Variants in WIPF3 observed in about 807,000 individuals in gnomAD.
WIPF3 encodes WAS/WASL-interacting protein family member 3.
Under a neutral mutation model 38.9 loss-of-function variants are expected in WIPF3, and 33 were observed. The observed-to-expected ratio is 0.85, with a 90% CI of 0.64 to 1.14. The LOEUF (loss-of-function observed/expected upper bound fraction) is 1.14, where lower values mean the gene tolerates loss of function less well. Among genes scored for constraint, WIPF3 ranks in the 50% most tolerant of loss-of-function variants. The pLI is 0.00. For missense variants in WIPF3, 711 were observed against 652.5 expected (o/e 1.09, Z -0.98); for synonymous variants, 324 against 269.3 (o/e 1.20, Z -1.99).
At chr7:29,837,750 A>G (rs2128066043) in intron 2 of WIPF3, among the ~76,000 whole-genome samples, 1 of 152,324 alleles carries the variant, frequency 6.6e-6, no homozygotes, top group Non-Finnish European at 1.5e-5. Flanking sequence ...GCTCTTACAG[A>G]TTACTATGGA....
chr7:29,854,375 C>T (rs1241309802), intron 2 of WIPF3, among the ~76,000 whole-genome samples: 1 of 152,182 alleles, frequency 6.6e-6, no homozygotes, highest in Admixed American at 6.5e-5. Context: ...AAATTGAAAG[C>T]TAAAATATGG....
chr7:29,902,265 C>CTTTTTTTTTTTTTTTTTTTTTTTT (rs141174377), intron 7 of WIPF3, among the ~76,000 whole-genome samples: 2 of 116,450 alleles, frequency 1.7e-5, no homozygotes, highest in Non-Finnish European at 3.6e-5. Context: ...TTTTCTTCTT[C>CTTTTTTTTTTTTTTTTTTTTTTTT]TTCTTCTTCT....
chr7:29,834,187 G>A (rs550784360), intron 1 of WIPF3, among the ~76,000 whole-genome samples: 135 of 152,286 alleles, frequency 8.9e-4, no homozygotes, highest in Middle Eastern at 3.4e-3. Flanking sequence ...AGCCTTGCTC[G>A]AGGCTGGCAT....
In WIPF3 at chr7:29,889,296, T is replaced by C; in HGVS notation, c.1250-10T>C. On this transcript the variant is annotated splice_polypyrimidine_tract_variant and intron_variant, in intron 6 of 8. Coordinates refer to ENST00000242140, the MANE Select transcript of WIPF3 (RefSeq NM_001080529.3). ...ACCTGAGTAACTCTTTCCATTTCGCTTGTGTGCAGATGACTTCGAGTCTAA... is the reference window on the plus strand; with the variant it reads ...ACCTGAGTAACTCTTTCCATTTCGCCTGTGTGCAGATGACTTCGAGTCTAA... The C allele has an allele frequency of 6.2e-7, 1 of 1,610,884 alleles. No homozygotes were observed. The highest frequency in any genetic ancestry group is 8.5e-7 in the Non-Finnish European group (1 of 1,177,236).
intron 2 of WIPF3, among the ~76,000 whole-genome samples, chr7:29,864,712 C>T (rs767682461): frequency 5.3e-5 from 8 of 152,162 alleles, no homozygotes; most frequent in Admixed American, 4.6e-4. Flanking sequence ...ACAATTTTCT[C>T]TTTTTCCCAC....
Position 29,844,487 on chromosome 7 carries a change from T to C in WIPF3, c.90+9673T>C, listed in dbSNP as rs1562775802. Among the ~76,000 whole-genome samples, 1 of 152,212 alleles carries C rather than the reference T, an allele frequency of 6.6e-6. No homozygotes were observed. The highest frequency in any genetic ancestry group is 1.5e-5 in the Non-Finnish European group (1 of 68,034). On this transcript the variant is annotated intron_variant, in intron 2 of 8. Coordinates refer to ENST00000242140, the MANE Select transcript of WIPF3 (RefSeq NM_001080529.3). This position sits in a 1 kb window ranked among gnomAD's most constrained non-coding sequence, Gnocchi z 4.8. ...AATGAGGTAGGGACCGGTAGTGCCA[T>C]TTTAAGGATGAGAGAACTGAGGCAC...
chr7:29,827,076 G>A (rs1265506647), intron 1 of WIPF3, among the ~76,000 whole-genome samples: 3 of 152,190 alleles, frequency 2.0e-5, no homozygotes, highest in South Asian at 2.1e-4. Context: ...AGTAAGGGCT[G>A]TGTCAGGGCT....
rs554527385 is a variant in WIPF3 at position 29,867,531 on chromosome 7, A to G, written c.91-8299A>G. Among the ~76,000 whole-genome samples the G allele has an allele frequency of 1.9e-3, 271 of 142,072 alleles. 1 individual carries two copies. Among genetic ancestry groups the G allele is most frequent in the African/African-American group, 6.9e-3 (260 of 37,750 alleles). The allele number at this position is 142,072 out of a possible 152,430, so 93.2% of individuals were successfully genotyped here. A position where few individuals can be genotyped will look rare whatever the true frequency, so the allele number is the denominator to read the frequency against. On this transcript the variant is annotated intron_variant, in intron 2 of 8. Transcript: ENST00000242140. ...AGTTATTCCTGGTGCCATGCCCTTGACTCCTGGCTCTGCCCCCGCCCCCTC... is the reference window on the plus strand; with the variant it reads ...AGTTATTCCTGGTGCCATGCCCTTGGCTCCTGGCTCTGCCCCCGCCCCCTC...
At chr7:29,851,240 AC>A (rs1000825720) in intron 2 of WIPF3, among the ~76,000 whole-genome samples, 1 of 150,890 alleles carries the variant, frequency 6.6e-6, no homozygotes, top group African/African-American at 2.4e-5. Context: ...CGGAGATTGA[AC>A]CCCCCTTTCC....
chr7:29,835,273 A>C (rs933126416), intron 2 of WIPF3, among the ~76,000 whole-genome samples: 1 of 151,818 alleles, frequency 6.6e-6, no homozygotes, highest in Non-Finnish European at 1.5e-5. Flanking sequence ...AAATCCTTAC[A>C]TGAAGTTTCC....
intron 1 of WIPF3, among the ~76,000 whole-genome samples, chr7:29,814,232 C>T (rs1287430482): frequency 1.3e-5 from 2 of 152,144 alleles, no homozygotes; most frequent in East Asian, 3.9e-4. Context: ...TATATTGGAA[C>T]TTATTTTGTG....
intron 2 of WIPF3, among the ~76,000 whole-genome samples, chr7:29,860,382 T>A (rs1785254299): frequency 6.6e-6 from 1 of 152,082 alleles, no homozygotes; most frequent in Non-Finnish European, 1.5e-5. Flanking sequence ...GCTGTATTAG[T>A]TCCCTCCAAA....
intron 2 of WIPF3, among the ~76,000 whole-genome samples, chr7:29,837,501 T>G (rs760107708): frequency 1.2e-4 from 18 of 152,266 alleles, no homozygotes; most frequent in Non-Finnish European, 2.5e-4. Flanking sequence ...GAATTTCTTC[T>G]TTAAAGATGC....
At chr7:29,903,028 C>T (rs1261348620) in intron 7 of WIPF3, among the ~76,000 whole-genome samples, 1 of 152,136 alleles carries the variant, frequency 6.6e-6, no homozygotes, top group South Asian at 2.1e-4. Flanking sequence ...TGCAGTAGCT[C>T]ATGCCTGTAA....
At chr7:29,830,036 C>G (rs1583594079) in intron 1 of WIPF3, among the ~76,000 whole-genome samples, 1 of 151,934 alleles carries the variant, frequency 6.6e-6, no homozygotes, top group African/African-American at 2.4e-5. Flanking sequence ...TCCTGGAGCT[C>G]AGCATTCTCA....
chr7:29,899,950 C>T (rs546449286), intron 7 of WIPF3, among the ~76,000 whole-genome samples: 5 of 152,156 alleles, frequency 3.3e-5, no homozygotes, highest in South Asian at 4.2e-4. Context: ...GATTAGGTCT[C>T]ACTCTATTGC....
At chr7:29,846,007 T>C (rs1784993810) in intron 2 of WIPF3, among the ~76,000 whole-genome samples, 1 of 152,202 alleles carries the variant, frequency 6.6e-6, no homozygotes, top group South Asian at 2.1e-4. Flanking sequence ...GGCTGTGATA[T>C]GAAAGTTATT....
intron 5 of WIPF3, among the ~76,000 whole-genome samples, chr7:29,886,577 G>A (rs1044339987): frequency 1.3e-5 from 2 of 151,776 alleles, no homozygotes; most frequent in Non-Finnish European, 1.5e-5. Context: ...GGCTGGTCTC[G>A]AACTCCTGAC....
chr7:29,808,193 A>C (rs1267509324), intron 1 of WIPF3, among the ~76,000 whole-genome samples: 1 of 152,190 alleles, frequency 6.6e-6, no homozygotes, highest in African/African-American at 2.4e-5. Flanking sequence ...GCTAAAGTCC[A>C]CTCATTGTGG....
Sources: allele counts gnomAD v4.1 joint callset (sites outside exome capture counted in the v4.1 genomes callset), GRCh38; gene constraint gnomAD v4.1.1; non-coding constraint Gnocchi (gnomAD v3.1); transcripts MANE v1.5; gene names NCBI Gene and HGNC (gene_info 2026-07-23, HGNC 2026-07-21).